EPHA3: variants seen among roughly 807,000 people sequenced by gnomAD.
EPHA3 encodes EPH receptor A3, also known as ephrin type-A receptor 3.
EPHA3 carries 42 observed loss-of-function variants against 107.1 expected under a neutral mutation model. That is an observed-to-expected ratio of 0.39 (90% CI 0.31 to 0.51). The LOEUF (loss-of-function observed/expected upper bound fraction) is 0.51, where lower values mean the gene tolerates loss of function less well. EPHA3 is among the 20% of genes least tolerant of loss of function. EPHA3 has a pLI of 0.78. For missense variants in EPHA3, 1,183 were observed against 1,211.2 expected, an observed-to-expected ratio of 0.98 and a Z score of 0.35; for synonymous variants, 461 against 424.8, an observed-to-expected ratio of 1.09 and a Z score of -1.05.
At chr3:89,476,989 A>G (rs1479321430) in intron 16 of EPHA3, among the ~76,000 whole-genome samples, 1 of 152,156 alleles carries the variant, frequency 6.6e-6, no homozygotes, top group African/African-American at 2.4e-5. Flanking sequence ...TGAAAGAAAA[A>G]AGAAAGAGTG....
intron 3 of EPHA3, among the ~76,000 whole-genome samples, chr3:89,257,782 G>T (rs1365997159): frequency 6.6e-6 from 1 of 151,328 alleles, no homozygotes; most frequent in Non-Finnish European, 1.5e-5. Context: ...ATGAGAGAAA[G>T]AACATCTTCA....
intron 3 of EPHA3, among the ~76,000 whole-genome samples, chr3:89,240,446 G>C (rs934510921): frequency 3.3e-5 from 5 of 151,914 alleles, no homozygotes; most frequent in Non-Finnish European, 5.9e-5. Context: ...TATTTTAAAG[G>C]ATGAAAGGCA....
intron 2 of EPHA3, among the ~76,000 whole-genome samples, chr3:89,128,684 A>G (rs1576168907): frequency 6.7e-6 from 1 of 149,772 alleles, no homozygotes; most frequent in South Asian, 2.1e-4. Context: ...ACTATATACT[A>G]TATATACTAT....
intron 2 of EPHA3, among the ~76,000 whole-genome samples, chr3:89,198,408 T>C (rs1186724465): frequency 1.3e-5 from 2 of 150,734 alleles, no homozygotes; most frequent in African/African-American, 4.9e-5. Flanking sequence ...ATTGAATCTC[T>C]TAGTTATTAA....
intron 3 of EPHA3, among the ~76,000 whole-genome samples, chr3:89,243,497 G>C (rs1704959229): frequency 6.6e-6 from 1 of 152,148 alleles, no homozygotes; most frequent in Non-Finnish European, 1.5e-5. Flanking sequence ...GCATTTCTCT[G>C]ATGGCCAGTG....
rs761263727 is a variant in EPHA3 at position 89,210,335 on chromosome 3, C to T, written c.629C>T (p.Ala210Val). ...TGCCCATTTACAGTGAAGAATCTGG[C>T]TATGTTTCCAGACACGGTACCCATG... ...KKCPFTVKNLAMFPDTVPMDS... is the reference protein window; with the variant it reads ...KKCPFTVKNLVMFPDTVPMDS... Residue 210 changes from alanine (A) to valine (V), a missense_variant, in exon 3 of 17, where the codon GCT (alanine) becomes GTT (valine). Coordinates refer to ENST00000336596, the MANE Select transcript of EPHA3 (RefSeq NM_005233.6). 6 of 1,613,534 alleles carry T rather than the reference C, an allele frequency of 3.7e-6. No homozygotes were observed. Among genetic ancestry groups the T allele is most frequent in the Non-Finnish European group, 5.1e-6 (6 of 1,179,742 alleles).
chr3:89,342,174 G>A, intron 5 of EPHA3, 84 bp downstream of exon 5: 1 of 1,265,548 alleles, frequency 7.9e-7, no homozygotes, highest in Non-Finnish European at 1.1e-6. Flanking sequence ...CTGGGCGGAA[G>A]GAAAAAAAGA....
chr3:89,263,158 T>A (rs9853389), intron 3 of EPHA3, among the ~76,000 whole-genome samples: 2 of 151,390 alleles, frequency 1.3e-5, no homozygotes, highest in African/African-American at 4.9e-5. Context: ...GCGTGATGAT[T>A]CCCTCCCTGT....
chr3:89,355,961 C>G (rs1707940401), intron 5 of EPHA3, among the ~76,000 whole-genome samples: 1 of 149,496 alleles, frequency 6.7e-6, no homozygotes. Context: ...TTAGGTACTT[C>G]TCCTAAAGCT....
intron 2 of EPHA3, among the ~76,000 whole-genome samples, chr3:89,191,399 T>C (rs1576217803): frequency 2.6e-5 from 4 of 152,160 alleles, no homozygotes; most frequent in South Asian, 2.1e-4. Context: ...CTCCGCTTCC[T>C]GGGTTCACAC....
chr3:89,203,199 G>C (rs539639295), intron 2 of EPHA3, among the ~76,000 whole-genome samples: 128 of 151,794 alleles, frequency 8.4e-4, no homozygotes, highest in African/African-American at 2.9e-3. Context: ...TTAGTTCTCA[G>C]TGTTGGGGGT....
chr3:89,385,352 C>T (rs141642262), intron 5 of EPHA3, among the ~76,000 whole-genome samples: 25 of 152,126 alleles, frequency 1.6e-4, no homozygotes, highest in Middle Eastern at 3.2e-3. Context: ...TGTTATGGGA[C>T]GGACCCAGTG....
At chr3:89,251,615 C>A (rs560922716) in intron 3 of EPHA3, among the ~76,000 whole-genome samples, 1 of 152,078 alleles carries the variant, frequency 6.6e-6, no homozygotes, top group East Asian at 1.9e-4. Flanking sequence ...GATTACTAAG[C>A]CCCTGCTCTT....
rs540908836 is a variant in EPHA3, at chr3:89,121,243, T to A, written c.89-5966T>A. ...AGAGCGAGACTCCGTCTCAAAAAAA[T>A]AAATAAATAAATAAATAAAATAAAT... On this transcript the variant is annotated intron_variant, in intron 1 of 16. Coordinates refer to ENST00000336596, the MANE Select transcript of EPHA3 (RefSeq NM_005233.6). Among the ~76,000 whole-genome samples, 918 of 151,040 alleles carry A rather than the reference T, an allele frequency of 6.1e-3. 7 individuals carry two copies. Among genetic ancestry groups the A allele is most frequent in the African/African-American group, 0.02 (844 of 41,192 alleles).
At chr3:89,474,477 T>C (rs951357809) in intron 16 of EPHA3, among the ~76,000 whole-genome samples, 4 of 152,196 alleles carry the variant, frequency 2.6e-5, no homozygotes, top group South Asian at 4.1e-4. Flanking sequence ...AGGGTTATGA[T>C]ACACAAAACA....
At chr3:89,133,351 G>A (rs1487043145) in intron 2 of EPHA3, among the ~76,000 whole-genome samples, 1 of 152,094 alleles carries the variant, frequency 6.6e-6, no homozygotes, top group African/African-American at 2.4e-5. Context: ...TTTGGACCAC[G>A]AATTTTAAAT....
chr3:89,200,373 G>A (rs566820691), intron 2 of EPHA3, among the ~76,000 whole-genome samples: 1 of 152,286 alleles, frequency 6.6e-6, no homozygotes, highest in Non-Finnish European at 1.5e-5. Flanking sequence ...TTCACATGTA[G>A]ATATTCACTG....
chr3:89,469,454 A>G (rs1468902207), intron 15 of EPHA3, among the ~76,000 whole-genome samples: 1 of 152,192 alleles, frequency 6.6e-6, no homozygotes, highest in African/African-American at 2.4e-5. Flanking sequence ...AACTTCTCAT[A>G]TGTTCCAAGT....
intron 16 of EPHA3, among the ~76,000 whole-genome samples, chr3:89,473,888 C>A (rs12636275): frequency 0.45 from 67,952 of 151,900 alleles, 16,711 homozygotes; most frequent in African/African-American, 0.64. Flanking sequence ...AGTTGTCCAG[C>A]ATGTTGTCGC....
Sources: allele counts gnomAD v4.1 joint callset (sites outside exome capture counted in the v4.1 genomes callset), GRCh38; gene constraint gnomAD v4.1.1; transcripts MANE v1.5; gene names NCBI Gene and HGNC (gene_info 2026-07-23, HGNC 2026-07-21).